RASAL2: variants seen among roughly 807,000 people sequenced by gnomAD.
The protein encoded by RASAL2 is ras GTPase-activating protein nGAP.
A neutral mutation model predicts 128.9 loss-of-function variants in RASAL2; 58 were observed. That is an observed-to-expected ratio of 0.45 (90% CI 0.36 to 0.56). The LOEUF (loss-of-function observed/expected upper bound fraction) is 0.56. Among genes scored for constraint, RASAL2 ranks in the 20% least tolerant of loss-of-function variants. The pLI is 0.00. For synonymous variants in RASAL2, 561 were observed against 580.8 expected, an observed-to-expected ratio of 0.97 and a Z score of 0.49; for missense variants, 1,360 against 1,601.6, an observed-to-expected ratio of 0.85 and a Z score of 2.57.
chr1:178,339,458 C>T (rs947021245), intron 3 of RASAL2, among the ~76,000 whole-genome samples: 1 of 152,124 alleles, frequency 6.6e-6, no homozygotes, highest in African/African-American at 2.4e-5. Context: ...TGGAGAAGCA[C>T]GAGTAAATGC....
At chr1:178,453,019 TC>T (rs781208306) in intron 11 of RASAL2, among the ~76,000 whole-genome samples, 6 of 151,936 alleles carry the variant, frequency 3.9e-5, no homozygotes, top group Admixed American at 1.3e-4. Flanking sequence ...AACACAAAAA[TC>T]TAAGTATAAA....
At chr1:178,215,619 T>A (rs979445913) in intron 1 of RASAL2, among the ~76,000 whole-genome samples, 1 of 152,204 alleles carries the variant, frequency 6.6e-6, no homozygotes, top group Non-Finnish European at 1.5e-5. Flanking sequence ...TTCTAATAGG[T>A]AGCAGGATTA....
intron 2 of RASAL2, among the ~76,000 whole-genome samples, chr1:178,288,737 G>A (rs572202923): frequency 7.9e-5 from 10 of 125,934 alleles, no homozygotes; most frequent in African/African-American, 2.7e-4. Flanking sequence ...TGCAATCTCC[G>A]CCTCCTGGGT....
intron 3 of RASAL2, among the ~76,000 whole-genome samples, chr1:178,322,953 G>A (rs1206703913): frequency 2.0e-5 from 3 of 152,148 alleles, no homozygotes; most frequent in Admixed American, 6.5e-5. Context: ...ATACACATGG[G>A]CTTTTGTTCA....
intron 3 of RASAL2, among the ~76,000 whole-genome samples, chr1:178,331,995 T>A (rs1252348025): frequency 6.6e-6 from 1 of 152,226 alleles, no homozygotes; most frequent in Non-Finnish European, 1.5e-5. Flanking sequence ...TACAATATAC[T>A]TTCAGCATTA....
chr1:178,454,691 A>C, intron 12 of RASAL2, 43 bp downstream of exon 12: 1 of 1,546,580 alleles, frequency 6.5e-7, no homozygotes, highest in Non-Finnish European at 8.9e-7. Flanking sequence ...AATGTACCTG[A>C]ATTCTGGAAA....
intron 3 of RASAL2, among the ~76,000 whole-genome samples, chr1:178,322,329 T>C (rs966684068): frequency 2.0e-5 from 3 of 152,228 alleles, no homozygotes; most frequent in Admixed American, 6.5e-5. Flanking sequence ...TTACCCTTTT[T>C]CTTTTGCTTT....
At chr1:178,131,348 A>G (rs1021588573) in intron 1 of RASAL2, among the ~76,000 whole-genome samples, 1 of 138,638 alleles carries the variant, frequency 7.2e-6, no homozygotes, top group East Asian at 2.4e-4. Flanking sequence ...CTGGCACTGT[A>G]GTCGTGCACT....
chr1:178,293,802 A>G (rs1667381387), intron 2 of RASAL2, among the ~76,000 whole-genome samples: 1 of 152,262 alleles, frequency 6.6e-6, no homozygotes, highest in Admixed American at 6.5e-5. Flanking sequence ...AATTTAACAC[A>G]GTAAGTATAA....
intron 3 of RASAL2, among the ~76,000 whole-genome samples, chr1:178,334,016 G>A (rs949345599): frequency 3.9e-5 from 6 of 152,286 alleles, no homozygotes; most frequent in African/African-American, 4.8e-5. Context: ...GAACTACATT[G>A]TGTTTTCTTT....
At chr1:178,145,571 G>C (rs200434148) in intron 1 of RASAL2, among the ~76,000 whole-genome samples, 1 of 97,526 alleles carries the variant, frequency 1.0e-5, no homozygotes, top group Non-Finnish European at 2.2e-5. Context: ...AAAAAAAAAA[G>C]GGGGAGTATA....
intron 1 of RASAL2, among the ~76,000 whole-genome samples, chr1:178,097,678 C>T (rs1257876750): frequency 6.6e-6 from 1 of 152,096 alleles, no homozygotes; most frequent in Non-Finnish European, 1.5e-5. Context: ...CTGCAATATA[C>T]TTCTGTTTGA....
At chr1:178,421,026 A>G (rs188382841) in intron 5 of RASAL2, among the ~76,000 whole-genome samples, 1 of 152,334 alleles carries the variant, frequency 6.6e-6, no homozygotes, top group East Asian at 1.9e-4. Flanking sequence ...ATAACCGTAT[A>G]TGATAAATAC....
chr1:178,383,686 T>G (rs978194253), intron 3 of RASAL2, among the ~76,000 whole-genome samples: 2 of 152,196 alleles, frequency 1.3e-5, no homozygotes, highest in Non-Finnish European at 2.9e-5. Flanking sequence ...CCTATTCTGT[T>G]TCTTAAATGT....
intron 3 of RASAL2, among the ~76,000 whole-genome samples, chr1:178,361,188 A>C (rs976296099): frequency 6.6e-6 from 1 of 152,208 alleles, no homozygotes; most frequent in Admixed American, 6.5e-5. Context: ...CATGCTTTAC[A>C]TATCTGTTGA....
At chr1:178,405,141 G>C (rs185795718) in intron 4 of RASAL2, among the ~76,000 whole-genome samples, 77 of 152,224 alleles carry the variant, frequency 5.1e-4, no homozygotes, top group Non-Finnish European at 9.6e-4. Context: ...TTCTACAGGG[G>C]ATTTGGCAAG....
chr1:178,466,569 G>A (rs548657900), intron 16 of RASAL2, among the ~76,000 whole-genome samples: 5 of 152,162 alleles, frequency 3.3e-5, no homozygotes, highest in African/African-American at 9.7e-5. Context: ...TATAGCACTC[G>A]ACATGGGACA....
chr1:178,397,841 C>G (rs1037667650), intron 4 of RASAL2, among the ~76,000 whole-genome samples: 1 of 151,356 alleles, frequency 6.6e-6, no homozygotes, highest in Non-Finnish European at 1.5e-5. Flanking sequence ...GTCTCAAACT[C>G]CTGGGCTCAA....
At chr1:178,150,465 C>T (rs1407991669) in intron 1 of RASAL2, among the ~76,000 whole-genome samples, 3 of 152,192 alleles carry the variant, frequency 2.0e-5, no homozygotes, top group African/African-American at 4.8e-5. Flanking sequence ...GTATTACAGG[C>T]GTGATCCACT....
Sources: allele counts gnomAD v4.1 joint callset (sites outside exome capture counted in the v4.1 genomes callset), GRCh38; gene constraint gnomAD v4.1.1; transcripts MANE v1.5; gene names NCBI Gene and HGNC (gene_info 2026-07-23, HGNC 2026-07-21).